Variants in CDYL observed in about 807,000 individuals in gnomAD.
The protein encoded by CDYL is chromodomain Y-like protein.
CDYL carries 8 observed loss-of-function variants against 47.3 expected under a neutral mutation model. The ratio of observed to expected loss-of-function variants is 0.17; its 90% CI spans 0.10 to 0.31. The LOEUF (loss-of-function observed/expected upper bound fraction) is 0.31, where lower values mean the gene tolerates loss of function less well. Ranked by LOEUF, CDYL falls within the 10% of genes least tolerant of loss-of-function variation. The pLI, the probability that CDYL is intolerant of heterozygous loss-of-function variation, is 1.00. For synonymous variants in CDYL, 266 were observed against 265.0 expected (o/e 1.00, Z -0.04); for missense variants, 471 against 701.4 (o/e 0.67, Z 3.71).
intron 2 of CDYL, among the ~76,000 whole-genome samples, chr6:4,729,342 C>T (rs551817275): frequency 6.6e-6 from 1 of 152,194 alleles, no homozygotes; most frequent in Admixed American, 6.5e-5. Flanking sequence ...TGAAACTTTG[C>T]GTGCATATAC....
intron 2 of CDYL, among the ~76,000 whole-genome samples, chr6:4,721,252 TC>T (rs1253128181): frequency 6.6e-6 from 1 of 152,176 alleles, no homozygotes; most frequent in Admixed American, 6.5e-5. Context: ...CAGCACGTAG[TC>T]CTTCTCTTAT....
intron 5 of CDYL, among the ~76,000 whole-genome samples, chr6:4,947,937 A>G (rs916460508): frequency 9.2e-5 from 14 of 152,244 alleles, no homozygotes; most frequent in Admixed American, 7.2e-4. Context: ...TTCCCACAGC[A>G]GGCAGTTTGC....
chr6:4,937,892 CTT>C lies in CDYL; in HGVS notation c.1121+156_1121+157del, dbSNP rs372235534. Among the ~76,000 whole-genome samples the C allele has an allele frequency of 1.5e-3, 228 of 152,360 alleles. 1 individual carries two copies. Among genetic ancestry groups the C allele is most frequent in the African/African-American group, 5.2e-3 (217 of 41,576 alleles). On this transcript the variant is annotated intron_variant, in intron 4 of 6. Coordinates refer to ENST00000397588, the MANE Select transcript of CDYL (RefSeq NM_004824.4). ...GCAAAATTAATTAAATCATCTGTCT[CTT>C]CTATGGGCCTGCCATAAATTACTAC... is the stretch of plus-strand genomic sequence containing the variant.
chr6:4,756,721 C>T (rs1758081325), intron 3 of CDYL, among the ~76,000 whole-genome samples: 1 of 151,878 alleles, frequency 6.6e-6, no homozygotes, highest in African/African-American at 2.4e-5. Flanking sequence ...GTAAATCATT[C>T]TACAAACAAT....
chr6:4,768,566 G>A (rs1249299295), intron 3 of CDYL, among the ~76,000 whole-genome samples: 1 of 152,190 alleles, frequency 6.6e-6, no homozygotes, highest in Non-Finnish European at 1.5e-5. Flanking sequence ...TAATCCATGA[G>A]TCTCAATTGA....
At chr6:4,712,337 C>T (rs1757166010) in intron 1 of CDYL, among the ~76,000 whole-genome samples, 1 of 152,172 alleles carries the variant, frequency 6.6e-6, no homozygotes, top group Non-Finnish European at 1.5e-5. Context: ...TGCAGAGATA[C>T]TAGGAATCCC....
intron 1 of CDYL, among the ~76,000 whole-genome samples, chr6:4,870,239 C>T (rs1244131149): frequency 6.6e-6 from 1 of 152,102 alleles, no homozygotes; most frequent in Non-Finnish European, 1.5e-5. Context: ...GCCACTGTGC[C>T]TAGCCTTGTC....
chr6:4,833,047 A>G (rs2127454664), intron 1 of CDYL, among the ~76,000 whole-genome samples: 1 of 147,836 alleles, frequency 6.8e-6, no homozygotes, highest in African/African-American at 2.5e-5. Context: ...TAATTTTTTG[A>G]AGGGTTTTTT....
intron 1 of CDYL, among the ~76,000 whole-genome samples, chr6:4,799,436 G>A (rs1355272770): frequency 6.6e-6 from 1 of 152,026 alleles, no homozygotes; most frequent in Non-Finnish European, 1.5e-5. Context: ...GGTCACATAG[G>A]TCTCCCATTT....
intron 3 of CDYL, among the ~76,000 whole-genome samples, chr6:4,746,195 C>G (rs914978380): frequency 3.9e-5 from 6 of 151,974 alleles, no homozygotes; most frequent in African/African-American, 1.5e-4. Flanking sequence ...GAAACCCCAT[C>G]TCTACTGAAA....
chr6:4,952,392 G>T lies in CDYL; in HGVS notation c.1459G>T (p.Ala487Ser). ...AGTGATGGTTCGCATTAAGGAGCTTGCCTCGTGCAATCCAGTTGTATGTCT... is the reference window on the plus strand; with the variant it reads ...AGTGATGGTTCGCATTAAGGAGCTTTCCTCGTGCAATCCAGTTGTATGTCT... The part of the protein sequence containing the change: ...QEVMVRIKEL[A>S]SCNPVVLEES... The change falls in exon 6 of 7, where the codon GCC becomes TCC. Residue 487 changes from alanine to serine, a missense_variant. This residue lies in a region of CDYL where 57 missense variants were observed against 74.3 expected (regional missense o/e 0.77). Transcript: ENST00000397588. The T allele has an allele frequency of 6.2e-7, 1 of 1,613,796 alleles. No individual in the cohort carries two copies. Among genetic ancestry groups the T allele is most frequent in the South Asian group, 1.1e-5 (1 of 90,988 alleles).
intron 1 of CDYL, among the ~76,000 whole-genome samples, chr6:4,865,629 A>G (rs1761299615): frequency 6.6e-6 from 1 of 152,252 alleles, no homozygotes; most frequent in African/African-American, 2.4e-5. Flanking sequence ...CCGAATAGGT[A>G]AAAAAGGATT....
intron 1 of CDYL, among the ~76,000 whole-genome samples, chr6:4,777,505 A>G (rs951090491): frequency 2.0e-5 from 3 of 152,244 alleles, no homozygotes; most frequent in South Asian, 2.1e-4. Context: ...ATCTTTAGAC[A>G]TGTTTTGTAT....
chr6:4,832,082 A>G (rs1027411422), intron 1 of CDYL, among the ~76,000 whole-genome samples: 13 of 151,650 alleles, frequency 8.6e-5, no homozygotes, highest in East Asian at 7.8e-4. Flanking sequence ...TCTCCTGCCT[A>G]ATTGCCCTGG....
intron 1 of CDYL, among the ~76,000 whole-genome samples, chr6:4,849,157 A>T (rs2127462527): frequency 6.6e-6 from 1 of 152,304 alleles, no homozygotes; most frequent in South Asian, 2.1e-4. Context: ...TCTTTGCCTT[A>T]GTCCATCGTT....
chr6:4,772,421 C>T (rs1215954010), upstream of CDYL, among the ~76,000 whole-genome samples: 1 of 152,184 alleles, frequency 6.6e-6, no homozygotes, highest in Non-Finnish European at 1.5e-5. Context: ...AAAAAGGAAT[C>T]AGCTGTTATT....
chr6:4,881,245 C>A (rs1246304996), intron 1 of CDYL, among the ~76,000 whole-genome samples: 3 of 152,150 alleles, frequency 2.0e-5, no homozygotes, highest in Admixed American at 2.0e-4. Flanking sequence ...CTCTGTTCCT[C>A]TTTTCCACTT....
chr6:4,894,922 CAT>C (rs1491097697), intron 2 of CDYL, among the ~76,000 whole-genome samples: 6 of 47,116 alleles, frequency 1.3e-4, no homozygotes, highest in African/African-American at 4.0e-4. Flanking sequence ...TATATATACA[CAT>C]ATGTATGTGT....
intron 2 of CDYL, among the ~76,000 whole-genome samples, chr6:4,913,799 A>G (rs571065680): frequency 4.0e-4 from 61 of 152,368 alleles, no homozygotes; most frequent in African/African-American, 1.4e-3. Flanking sequence ...GAAAGCAGCC[A>G]AAGACAACAG....
Sources: gnomAD v4.1 joint callset for allele counts (sites outside exome capture counted in the v4.1 genomes callset) on GRCh38, gnomAD v4.1.1 for gene constraint, gnomAD v4.1.1 regional missense constraint, MANE v1.5 for transcripts, NCBI Gene and HGNC (gene_info 2026-07-23, HGNC 2026-07-21) for gene names.